The following ABCC4 variants were observed in gnomAD, a reference collection of about 807,000 sequenced individuals.
The protein encoded by ABCC4 is ATP-binding cassette sub-family C member 4.
A neutral mutation model predicts 168.5 loss-of-function variants in ABCC4; 102 were observed. That is an observed-to-expected ratio of 0.61 (90% CI 0.52 to 0.71). The LOEUF (loss-of-function observed/expected upper bound fraction) is 0.71, where lower values mean the gene tolerates loss of function less well. Ranked by LOEUF, ABCC4 falls within the 30% of genes least tolerant of loss-of-function variation. The pLI, the probability that ABCC4 is intolerant of heterozygous loss-of-function variation, is 0.00. For synonymous variants in ABCC4, 617 were observed against 590.7 expected (o/e 1.04, Z -0.65); for missense variants, 1,402 against 1,605.8 (o/e 0.87, Z 2.17).
intron 20 of ABCC4, among the ~76,000 whole-genome samples, chr13:95,097,425 T>C (rs1291798607): frequency 6.6e-6 from 1 of 151,954 alleles, no homozygotes; most frequent in Admixed American, 6.6e-5. Flanking sequence ...CAACAAAGAC[T>C]GTAAATACAG....
chr13:95,218,374 C>T (rs1189811763), intron 4 of ABCC4, among the ~76,000 whole-genome samples: 4 of 152,272 alleles, frequency 2.6e-5, no homozygotes, highest in Admixed American at 2.6e-4. Flanking sequence ...TGGGTGACTA[C>T]CAAAGTCACA....
At chr13:95,262,600 C>T (rs1242923577) in intron 1 of ABCC4, among the ~76,000 whole-genome samples, 2 of 151,910 alleles carry the variant, frequency 1.3e-5, no homozygotes, top group Admixed American at 6.6e-5. Context: ...ATGCATGCTC[C>T]CAGCTGAAGT....
intron 30 of ABCC4, among the ~76,000 whole-genome samples, chr13:95,024,518 C>T (rs114067350): frequency 3.3e-5 from 5 of 152,254 alleles, no homozygotes; most frequent in African/African-American, 1.2e-4. Flanking sequence ...ATCAACAGAG[C>T]AATACAAGCT....
chr13:95,235,790 C>G (rs2039749745), intron 3 of ABCC4, among the ~76,000 whole-genome samples: 1 of 152,180 alleles, frequency 6.6e-6, no homozygotes, highest in African/African-American at 2.4e-5. Context: ...CTGCCCCCTA[C>G]AAGCCCGGAT....
chr13:95,141,580 T>C (rs1258935369), intron 19 of ABCC4, among the ~76,000 whole-genome samples: 2 of 152,144 alleles, frequency 1.3e-5, no homozygotes, highest in South Asian at 2.1e-4. Context: ...ATGAAGTTTT[T>C]AATAAACCTT....
intron 29 of ABCC4, among the ~76,000 whole-genome samples, chr13:95,040,229 G>C (rs1399250623): frequency 1.3e-5 from 2 of 152,148 alleles, no homozygotes; most frequent in East Asian, 3.8e-4. Context: ...TATTCTCCCA[G>C]TGTGTTCATT....
At chr13:95,280,219 C>T (rs2041081549) in intron 1 of ABCC4, among the ~76,000 whole-genome samples, 1 of 151,988 alleles carries the variant, frequency 6.6e-6, no homozygotes, top group African/African-American at 2.4e-5. Flanking sequence ...AGTTCGAGAC[C>T]ACCCTGACCA....
intron 1 of ABCC4, among the ~76,000 whole-genome samples, chr13:95,285,017 A>G (rs1002030583): frequency 5.9e-5 from 9 of 152,054 alleles, no homozygotes; most frequent in African/African-American, 9.7e-5. Context: ...AGGCCGAGGA[A>G]GGAGAATCAT....
chr13:95,298,793 TG>T (rs1159794921), intron 1 of ABCC4, among the ~76,000 whole-genome samples: 1 of 152,140 alleles, frequency 6.6e-6, no homozygotes, highest in Non-Finnish European at 1.5e-5. Flanking sequence ...GATTGTTGTG[TG>T]AGTCCAGGCA....
chr13:95,098,997 T>C (rs189468692), intron 20 of ABCC4, among the ~76,000 whole-genome samples: 174 of 152,336 alleles, frequency 1.1e-3, no homozygotes, highest in African/African-American at 4.0e-3. Flanking sequence ...AAGTGAACTT[T>C]ACGAACCCAG....
intron 5 of ABCC4, 92 bp from the exon 6 acceptor site, chr13:95,209,689 G>T: frequency 8.0e-7 from 1 of 1,254,896 alleles, no homozygotes; most frequent in South Asian, 1.7e-5. Context: ...AAAAGAACAG[G>T]CAAGATCCTA....
chr13:95,269,181 G>A, intron 1 of ABCC4: 1 of 427,686 alleles, frequency 2.3e-6, no homozygotes, highest in Non-Finnish European at 4.7e-6. Flanking sequence ...GAACCCAAGG[G>A]GGTCATGGGA....
intron 19 of ABCC4, among the ~76,000 whole-genome samples, chr13:95,141,464 G>A (rs774960161): frequency 5.9e-5 from 9 of 152,028 alleles, no homozygotes; most frequent in East Asian, 1.9e-4. Context: ...CCTCTGAGGT[G>A]CAGTATAAAA....
At chr13:95,279,966 C>T (rs1001913061) in intron 1 of ABCC4, among the ~76,000 whole-genome samples, 8 of 152,078 alleles carry the variant, frequency 5.3e-5, no homozygotes, top group South Asian at 2.1e-4. Flanking sequence ...TCAGCATTGT[C>T]GGTCCTTAAA....
chr13:95,249,065 T>C (rs1354940364), intron 1 of ABCC4, among the ~76,000 whole-genome samples: 1 of 151,586 alleles, frequency 6.6e-6, no homozygotes, highest in Non-Finnish European at 1.5e-5. Flanking sequence ...TAAATAATAA[T>C]TAAAATTTAG....
Position 95,247,673 on chromosome 13 carries a change from C to T in ABCC4, c.155G>A (p.Arg52His), listed in dbSNP as rs142182014. 58 of 1,613,778 alleles carry T rather than the reference C, an allele frequency of 3.6e-5. No individual in the cohort carries two copies. Among genetic ancestry groups the T allele is most frequent in the Non-Finnish European group, 4.6e-5 (54 of 1,179,896 alleles). The change falls in exon 2 of 31, where the codon CGC becomes CAC. Residue 52 changes from arginine (R) to histidine (H), a missense_variant. By Grantham distance (29) the Arg-to-His change is conservative. This residue lies in a region of ABCC4 where 317 missense variants were observed against 345.5 expected (regional missense o/e 0.92). Coordinates refer to ENST00000645237, the MANE Select transcript of ABCC4 (RefSeq NM_005845.5). ...DDMYSVLPEDRSQHLGEELQG... is the reference protein window; with the variant it reads ...DDMYSVLPEDHSQHLGEELQG... ...CAACTCCTCTCCAAGGTGCTGTGAG[C>T]GGTCTTCTGGCAGCACTGAATACAT...
chr13:95,032,926 A>G (rs1305097333), intron 30 of ABCC4, among the ~76,000 whole-genome samples: 1 of 150,074 alleles, frequency 6.7e-6, no homozygotes, highest in Admixed American at 6.6e-5. Context: ...CCTCCCAAAC[A>G]AAGTGCTGGG....
chr13:95,087,891 C>G (rs2034308666), intron 20 of ABCC4, among the ~76,000 whole-genome samples: 1 of 152,220 alleles, frequency 6.6e-6, no homozygotes, highest in Admixed American at 6.5e-5. Context: ...CAGTGAATGC[C>G]TTTAAATCAG....
intron 13 of ABCC4, among the ~76,000 whole-genome samples, chr13:95,176,223 CAGGGGGGGGG>C (rs1334483437): frequency 0.02 from 212 of 10,590 alleles, 34 homozygotes; most frequent in Non-Finnish European, 0.025. Flanking sequence ...AAGCCGAGGG[CAGGGGGGGGG>C]GGGGGGGGGG....
Sources: gnomAD v4.1 joint callset for allele counts (sites outside exome capture counted in the v4.1 genomes callset) on GRCh38, gnomAD v4.1.1 for gene constraint, gnomAD v4.1.1 regional missense constraint, MANE v1.5 for transcripts, NCBI Gene and HGNC (gene_info 2026-07-23, HGNC 2026-07-21) for gene names.